The following JDP2 variants were observed in gnomAD, a reference collection of about 807,000 sequenced individuals.
JDP2 encodes the protein Jun dimerization protein 2, also known as progesterone receptor co-activator.
Under a neutral mutation model 17.1 loss-of-function variants are expected in JDP2, and 9 were observed. The ratio of observed to expected loss-of-function variants is 0.53; its 90% confidence interval spans 0.32 to 0.92. The LOEUF (loss-of-function observed/expected upper bound fraction) is 0.92, where lower values mean the gene tolerates loss of function less well. Among genes scored for constraint, JDP2 ranks in the 40% least tolerant of loss-of-function variants. The pLI, the probability that JDP2 is intolerant of heterozygous loss-of-function variation, is 0.04. For missense variants in JDP2, 179 were observed against 220.0 expected, an observed-to-expected ratio of 0.81 and a Z score of 1.18; for synonymous variants, 107 against 95.6, an observed-to-expected ratio of 1.12 and a Z score of -0.69.
At position 75,473,928 on chromosome 14, in the gene JDP2, C is replaced by T. The variant is rs1349959253; in HGVS notation, c.*4453C>T. 2.0e-5 allele frequency: 3 copies of T among 152,164 alleles called. No individual in the cohort carries two copies. Among genetic ancestry groups the T allele is most frequent in the South Asian group, 2.1e-4 (1 of 4,830 alleles). The allele number at this position is 152,164 out of a possible 1,614,324, so 9.4% of individuals were successfully genotyped here. Reference sequence around the variant, plus strand: ...GATGCCACTGCAAGGGTAAGTAGGACGCTGGACTTCAACTTCAACTATACA... The same window carrying T: ...GATGCCACTGCAAGGGTAAGTAGGATGCTGGACTTCAACTTCAACTATACA... On this transcript the variant is annotated 3_prime_UTR_variant, in exon 4 of 4. Coordinates refer to ENST00000651602, the MANE Select transcript of JDP2 (RefSeq NM_001135048.2).
chr14:75,431,101 G>A (rs534166426), intron 1 of JDP2, among the ~76,000 whole-genome samples: 5 of 152,190 alleles, frequency 3.3e-5, no homozygotes, highest in African/African-American at 9.7e-5. Context: ...AGGTGTGGTA[G>A]TGTTAACCCC....
At chr14:75,435,323 G>A (rs1178605622) in intron 1 of JDP2, among the ~76,000 whole-genome samples, 4 of 152,206 alleles carry the variant, frequency 2.6e-5, no homozygotes, top group East Asian at 1.9e-4. Context: ...ACCCACATGC[G>A]AGAGGTCTCA....
rs946920908 is a variant in JDP2, at chr14:75,445,444, C to T, written c.201+7323C>T. On this transcript the variant is annotated intron_variant, in intron 2 of 3. Coordinates refer to ENST00000651602, the MANE Select transcript of JDP2 (RefSeq NM_001135048.2). Reference sequence around the variant, plus strand: ...ATGTGTATGCTCTGACAAACTCCTCCGTGGTTTGCCTCTGTAGTCCTCCCT... The same window carrying T: ...ATGTGTATGCTCTGACAAACTCCTCTGTGGTTTGCCTCTGTAGTCCTCCCT... The T allele has an allele frequency of 2.1e-5, 21 of 985,246 alleles. No homozygotes were observed. In the African/African-American group the frequency reaches 2.6e-4, roughly 12 times the overall value. 61.0% of individuals were successfully genotyped at this position (985,246 alleles called of 1,614,324 possible).
chr14:75,445,064 C>CTA (rs1291840545), intron 2 of JDP2: 1 of 983,156 alleles, frequency 1.0e-6, no homozygotes, highest in Non-Finnish European at 1.2e-6. Flanking sequence ...TCTGTCAATC[C>CTA]TACCATCTTA....
intron 2 of JDP2, among the ~76,000 whole-genome samples, chr14:75,441,748 C>A (rs1297968089): frequency 6.6e-6 from 1 of 152,212 alleles, no homozygotes; most frequent in Non-Finnish European, 1.5e-5. Context: ...TTCAGGACAG[C>A]TTTGCTCTCT....
rs539786183 is a variant in JDP2 at position 75,468,437 on chromosome 14, C to T, written c.307-853C>T. 5.9e-5 allele frequency among the ~76,000 whole-genome samples: 9 copies of T among 152,292 alleles called. No individual in the cohort carries two copies. In the South Asian group the frequency reaches 1.7e-3, roughly 28 times the overall value. The stretch of plus-strand genomic sequence containing the variant: ...AAGTCTCAAAGTTTTCAGACATAAT[C>T]CAAGAAAAATCATTCAGATGCTGTT... On this transcript the variant is annotated intron_variant, in intron 3 of 3. Coordinates refer to ENST00000651602, the MANE Select transcript of JDP2 (RefSeq NM_001135048.2).
At chr14:75,429,372 G>A (rs746651402) in intron 1 of JDP2, among the ~76,000 whole-genome samples, 63 of 152,254 alleles carry the variant, frequency 4.1e-4, no homozygotes, top group Admixed American at 5.2e-4. Context: ...CTGCTTAGGC[G>A]TGTGTACCCA....
In JDP2 at chr14:75,470,066, T is replaced by C. The variant is rs1441088260; in HGVS notation, c.*591T>C. ...CCTCGCCAGCCCTGCTGGAGTTTGC[T>C]GTGGGCACTGAGGCGCGGGCGCCCT... On this transcript the variant is annotated 3_prime_UTR_variant, in exon 4 of 4. Coordinates refer to ENST00000651602, the MANE Select transcript of JDP2 (RefSeq NM_001135048.2). 1 of 152,632 alleles carries C rather than the reference T, an allele frequency of 6.6e-6. No individual in the cohort carries two copies. Among genetic ancestry groups the C allele is most frequent in the African/African-American group, 2.4e-5 (1 of 41,440 alleles). The allele number at this position is 152,632 out of a possible 1,614,324, so 9.5% of individuals were successfully genotyped here. A position where few individuals can be genotyped will look rare whatever the true frequency, so the allele number is the denominator to read the frequency against.
intron 2 of JDP2, among the ~76,000 whole-genome samples, chr14:75,456,116 A>G (rs1026061026): frequency 1.3e-5 from 2 of 151,902 alleles, no homozygotes; most frequent in African/African-American, 4.8e-5. Context: ...ACCTTCTCAA[A>G]CTCCCTTCAA....
chr14:75,455,904 C>G (rs1466758060), intron 2 of JDP2, among the ~76,000 whole-genome samples: 1 of 149,018 alleles, frequency 6.7e-6, no homozygotes, highest in Non-Finnish European at 1.5e-5. Context: ...CCACCTCTGC[C>G]TTTTATTGGC....
chr14:75,445,653 T>C (rs927846432), intron 2 of JDP2: 2 of 900,592 alleles, frequency 2.2e-6, no homozygotes, highest in Non-Finnish European at 2.7e-6. Context: ...TAGTACCATA[T>C]ACATATATTA....
chr14:75,438,572 C>T (rs1358294569), intron 2 of JDP2, among the ~76,000 whole-genome samples: 1 of 152,210 alleles, frequency 6.6e-6, no homozygotes, highest in Non-Finnish European at 1.5e-5. Flanking sequence ...CACATCGTGA[C>T]CTCCACCCCT....
At chr14:75,467,033 C>T (rs1886594853) in intron 3 of JDP2, among the ~76,000 whole-genome samples, 1 of 152,198 alleles carries the variant, frequency 6.6e-6, no homozygotes, top group African/African-American at 2.4e-5. Context: ...CCTCACCTGT[C>T]TACAGAGGAG....
chr14:75,461,575 G>A (rs1276100502), intron 3 of JDP2, 45 bp downstream of exon 3: 9 of 1,424,290 alleles, frequency 6.3e-6, no homozygotes, highest in Non-Finnish European at 7.8e-6. Context: ...TCCTTGGAGT[G>A]AGCTTGTGTA....
At position 75,437,887 on chromosome 14, in the gene JDP2, GC is replaced by G. The variant is rs1885144019; in HGVS notation, c.-23-8del. 6 of 1,565,196 alleles carry G rather than the reference GC, an allele frequency of 3.8e-6. No individual in the cohort carries two copies. The highest frequency in any genetic ancestry group is 5.2e-6 in the Non-Finnish European group (6 of 1,153,530). On this transcript the variant is annotated splice_polypyrimidine_tract_variant and intron_variant, in intron 1 of 3. Coordinates refer to ENST00000651602, the MANE Select transcript of JDP2 (RefSeq NM_001135048.2). ...TGGCTGACTGTCCTGCTCTTTTCCT[GC>G]CCACTCCAGGCTGGCCTGCCACTCC... is the stretch of plus-strand genomic sequence containing the variant.
chr14:75,460,536 C>T (rs957365170), intron 2 of JDP2, among the ~76,000 whole-genome samples: 80 of 152,238 alleles, frequency 5.3e-4, no homozygotes, highest in African/African-American at 1.9e-3. Context: ...ATGCCCAAGA[C>T]GTTTTTAAAG....
intron 2 of JDP2, among the ~76,000 whole-genome samples, chr14:75,459,225 G>A (rs1315568150): frequency 6.6e-6 from 1 of 152,234 alleles, no homozygotes; most frequent in African/African-American, 2.4e-5. Context: ...ACTTCCTCCA[G>A]TTCCTTCCCT....
rs1017071124 is a variant in JDP2, at chr14:75,471,772, G to A, written c.*2297G>A. On this transcript the variant is annotated 3_prime_UTR_variant, in exon 4 of 4. Coordinates refer to ENST00000651602, the MANE Select transcript of JDP2 (RefSeq NM_001135048.2). ...GTGGCAGCGGGTTGCCTTCTGTCTC[G>A]GGGGTCTTGAGGCTGTCGGTCCGGA... is the stretch of plus-strand genomic sequence containing the variant. 3.8e-5 allele frequency: 6 copies of A among 157,426 alleles called. No homozygotes were observed. The highest frequency in any genetic ancestry group is 1.8e-4 in the East Asian group (1 of 5,438). The allele number at this position is 157,426 out of a possible 1,614,324, so 9.8% of individuals were successfully genotyped here.
At chr14:75,443,110 G>A (rs896248755) in intron 2 of JDP2, among the ~76,000 whole-genome samples, 9 of 152,072 alleles carry the variant, frequency 5.9e-5, no homozygotes, top group South Asian at 4.1e-4. Context: ...GGGTTTTCCC[G>A]TTTTGGATGA....
Sources: allele counts gnomAD v4.1 joint callset (sites outside exome capture counted in the v4.1 genomes callset), GRCh38; gene constraint gnomAD v4.1.1; transcripts MANE v1.5; gene names NCBI Gene and HGNC (gene_info 2026-07-23, HGNC 2026-07-21).